Variants in ARMC1 observed in about 807,000 individuals in gnomAD.
ARMC1 encodes armadillo repeat containing 1.
Under a neutral mutation model 31.4 loss-of-function variants are expected in ARMC1, and 16 were observed. That is an observed-to-expected ratio of 0.51 (90% CI 0.34 to 0.77). The LOEUF (loss-of-function observed/expected upper bound fraction) is 0.77, where lower values mean the gene tolerates loss of function less well. Among genes scored for constraint, ARMC1 ranks in the 30% least tolerant of loss-of-function variants. The pLI, the probability that ARMC1 is intolerant of heterozygous loss-of-function variation, is 0.01. For synonymous variants in ARMC1, 114 were observed against 118.9 expected (o/e 0.96, Z 0.27); for missense variants, 259 against 347.5 (o/e 0.75, Z 2.02).
chr8:65,608,321 G>A (rs1808046577), intron 4 of ARMC1, among the ~76,000 whole-genome samples: 1 of 152,192 alleles, frequency 6.6e-6, no homozygotes, highest in African/African-American at 2.4e-5. Flanking sequence ...GAGGTCAGGA[G>A]TTCAAGACCA....
chr8:65,622,270 T>C lies in ARMC1; in HGVS notation c.268A>G (p.Ile90Val), dbSNP rs1467083021. Residue 90 changes from isoleucine (I) to valine (V), a missense_variant, in exon 3 of 7, where the codon ATA (isoleucine) becomes GTA (valine). Ile to Val is a conservative substitution (Grantham distance 29). Coordinates refer to ENST00000276569, the MANE Select transcript of ARMC1 (RefSeq NM_018120.6). ...ACTGTCTATTGTACTTACTTCTGTA[T>C]AACATTTTGTAAGCTCAACATCATA... is the stretch of plus-strand genomic sequence containing the variant. ...LGMMLSLQNV[I>V]QKTTTPGETK... The C allele has an allele frequency of 3.1e-6, 5 of 1,611,222 alleles. No homozygotes were observed. The highest frequency in any genetic ancestry group is 1.1e-5 in the South Asian group (1 of 90,994).
At chr8:65,621,839 C>T (rs1444371370) in intron 3 of ARMC1, among the ~76,000 whole-genome samples, 1 of 152,206 alleles carries the variant, frequency 6.6e-6, no homozygotes. Flanking sequence ...TCTACCAGCA[C>T]CATCTTAACT....
chr8:65,607,261 T>C (rs954359371), intron 4 of ARMC1, among the ~76,000 whole-genome samples: 2 of 152,254 alleles, frequency 1.3e-5, no homozygotes, highest in Non-Finnish European at 2.9e-5. Flanking sequence ...CTTAGAGGAC[T>C]GGTGCCAAAT....
At chr8:65,626,916 G>T (rs1397485691) in intron 2 of ARMC1, among the ~76,000 whole-genome samples, 1 of 151,948 alleles carries the variant, frequency 6.6e-6, no homozygotes, top group East Asian at 1.9e-4. Flanking sequence ...TTGGGAGGCT[G>T]AGGTCGGGGG....
intron 4 of ARMC1, among the ~76,000 whole-genome samples, chr8:65,611,482 CT>C (rs57974203): frequency 0.36 from 54,810 of 150,240 alleles, 10,190 homozygotes; most frequent in East Asian, 0.47. Flanking sequence ...TTTCTAGTTT[CT>C]TTTTTTTTCT....
In ARMC1 at chr8:65,602,792, G is replaced by A. The variant is rs1485960180; in HGVS notation, c.*1602C>T. On this transcript the variant is annotated 3_prime_UTR_variant, in exon 7 of 7. Transcript: ENST00000276569. ...CAGCAAGTTATATTATGCATTTAGA[G>A]CAATAGGTGCCCTGAAAGTTATTGT... 2.0e-5 allele frequency: 3 copies of A among 150,926 alleles called. No homozygotes were observed. Among genetic ancestry groups the A allele is most frequent in the Non-Finnish European group, 3.0e-5 (2 of 67,768 alleles). 9.3% of individuals were successfully genotyped at this position (150,926 alleles called of 1,614,324 possible). A position where few individuals can be genotyped will look rare whatever the true frequency, so the allele number is the denominator to read the frequency against.
At chr8:65,617,037 G>A (rs1466532602) in intron 3 of ARMC1, among the ~76,000 whole-genome samples, 19 of 151,816 alleles carry the variant, frequency 1.3e-4, no homozygotes, top group African/African-American at 2.4e-4. Context: ...CACCCCGTCC[G>A]GGAGGTGGGG....
At chr8:65,630,598 C>T (rs1276482426) in intron 1 of ARMC1, among the ~76,000 whole-genome samples, 2 of 152,190 alleles carry the variant, frequency 1.3e-5, no homozygotes, top group East Asian at 1.9e-4. Flanking sequence ...GCAGCCGGAT[C>T]GCCTGAGGTC....
chr8:65,608,851 G>A (rs920409177), intron 4 of ARMC1, among the ~76,000 whole-genome samples: 3 of 152,006 alleles, frequency 2.0e-5, no homozygotes, highest in Admixed American at 2.0e-4. Context: ...GGACGTTGCA[G>A]TGAGCCAAGA....
chr8:65,613,465 G>A, intron 3 of ARMC1, 32 bp from the exon 4 acceptor site: 2 of 1,436,056 alleles, frequency 1.4e-6, no homozygotes, highest in South Asian at 2.8e-5. Flanking sequence ...AATTAGTCTT[G>A]TCACTTCTAC....
In ARMC1 at chr8:65,624,423, C is replaced by T. The variant is rs368724735; in HGVS notation, c.184-2069G>A. On this transcript the variant is annotated intron_variant, in intron 2 of 6. Coordinates refer to ENST00000276569, the MANE Select transcript of ARMC1 (RefSeq NM_018120.6). ...CTGAGGCAGAAGAATCATTTGAACC[C>T]GGGAGGCAGAGGTTGCAGTGAGCTG... Among the ~76,000 whole-genome samples, 5 of 138,982 alleles carry T rather than the reference C, an allele frequency of 3.6e-5. No individual in the cohort carries two copies. The South Asian group carries it at 9.6e-4, about 27-fold the overall frequency. 91.2% of individuals were successfully genotyped at this position (138,982 alleles called of 152,430 possible). A position where few individuals can be genotyped will look rare whatever the true frequency, so the allele number is the denominator to read the frequency against.
At chr8:65,632,674 C>T (rs1808671772) in intron 1 of ARMC1, among the ~76,000 whole-genome samples, 1 of 151,964 alleles carries the variant, frequency 6.6e-6, no homozygotes, top group African/African-American at 2.4e-5. Flanking sequence ...CAGTGGCTCA[C>T]GCCTGTAATC....
chr8:65,604,649 G>T, intron 6 of ARMC1, 64 bp from the exon 7 acceptor site: 1 of 1,446,228 alleles, frequency 6.9e-7, no homozygotes, highest in Non-Finnish European at 9.5e-7. Context: ...AATTACCGTG[G>T]TTATTCTCAG....
intron 4 of ARMC1, among the ~76,000 whole-genome samples, chr8:65,609,432 T>C (rs1808074481): frequency 6.6e-6 from 1 of 152,226 alleles, no homozygotes; most frequent in Non-Finnish European, 1.5e-5. Context: ...TATCAGAACT[T>C]GCTTTCTAGA....
At chr8:65,615,758 G>A (rs960346377) in intron 3 of ARMC1, among the ~76,000 whole-genome samples, 3 of 151,910 alleles carry the variant, frequency 2.0e-5, no homozygotes, top group African/African-American at 7.3e-5. Context: ...AGCCAGGTGT[G>A]GTGGTGGGTG....
chr8:65,633,295 G>T (rs1365166407), intron 1 of ARMC1, among the ~76,000 whole-genome samples: 2 of 152,198 alleles, frequency 1.3e-5, no homozygotes, highest in African/African-American at 4.8e-5. Context: ...CATAAGCATT[G>T]ATATTAAATC....
At chr8:65,609,262 C>G (rs953032763) in intron 4 of ARMC1, among the ~76,000 whole-genome samples, 3 of 151,882 alleles carry the variant, frequency 2.0e-5, no homozygotes, top group Non-Finnish European at 4.4e-5. Flanking sequence ...GCCACCACAC[C>G]TGGCTAGCCT....
intron 4 of ARMC1, among the ~76,000 whole-genome samples, chr8:65,607,590 G>C (rs890179983): frequency 6.6e-6 from 1 of 152,086 alleles, no homozygotes; most frequent in Non-Finnish European, 1.5e-5. Flanking sequence ...AAAAAGTTTT[G>C]CTTTTTGGTC....
chr8:65,616,705 C>G (rs1362449880), intron 3 of ARMC1, among the ~76,000 whole-genome samples: 1 of 151,126 alleles, frequency 6.6e-6, no homozygotes, highest in Non-Finnish European at 1.5e-5. Flanking sequence ...TCTGCCCGGC[C>G]ACCCATAGTC....
Sources: allele counts gnomAD v4.1 joint callset (sites outside exome capture counted in the v4.1 genomes callset), GRCh38; gene constraint gnomAD v4.1.1; transcripts MANE v1.5; gene names NCBI Gene and HGNC (gene_info 2026-07-23, HGNC 2026-07-21).